COL18A1: variants seen among roughly 807,000 people sequenced by gnomAD.
COL18A1 encodes the protein collagen alpha-1(XVIII) chain.
A neutral mutation model predicts 168.0 loss-of-function variants in COL18A1; 133 were observed. That is an observed-to-expected ratio of 0.79 (90% CI 0.69 to 0.91). The LOEUF (loss-of-function observed/expected upper bound fraction) is 0.91, where lower values mean the gene tolerates loss of function less well. Ranked by LOEUF, COL18A1 falls within the 40% of genes least tolerant of loss-of-function variation. COL18A1 has a pLI of 0.00. For missense variants in COL18A1, 2,126 were observed against 1,925.4 expected (o/e 1.10, Z -1.95); for synonymous variants, 949 against 809.0 (o/e 1.17, Z -2.94).
Position 45,497,031 on chromosome 21 carries a change from C to T in COL18A1, c.2578-19C>T. 1.3e-6 allele frequency: 2 copies of T among 1,594,926 alleles called. No homozygotes were observed. Among genetic ancestry groups the T allele is most frequent in the South Asian group, 1.1e-5 (1 of 90,782 alleles). ...TCAGAACATCGCCCTCAGCAGCCGCCTCTCCCCGTTCCTTGCAGGTGTTTG... is the reference window on the plus strand; with the variant it reads ...TCAGAACATCGCCCTCAGCAGCCGCTTCTCCCCGTTCCTTGCAGGTGTTTG... On this transcript the variant is annotated intron_variant, in intron 30 of 41. Coordinates refer to ENST00000651438, the MANE Select transcript of COL18A1 (RefSeq NM_001379500.1).
rs376464507 is a variant in COL18A1 at position 45,416,839 on chromosome 21, C to CCTCGTTCTGCATATG, written c.106+11381_106+11395dup. Reference sequence around the variant, plus strand: ...CCTGCCCCTGACAACTCTTCCCTTCCCTCGTTCTGCATATGCTCGTTCTGC... The same window carrying CCTCGTTCTGCATATG: ...CCTGCCCCTGACAACTCTTCCCTTCCCTCGTTCTGCATATGCTCGTTCTGCATATGCTCGTTCTGC... On this transcript the variant is annotated intron_variant, in intron 2 of 41. Coordinates refer to ENST00000651438, the MANE Select transcript of COL18A1 (RefSeq NM_001379500.1). Among the ~76,000 whole-genome samples the CCTCGTTCTGCATATG allele has an allele frequency of 7.8e-3, 1,190 of 152,212 alleles. 17 individuals are homozygous for CCTCGTTCTGCATATG. The highest frequency in any genetic ancestry group is 0.027 in the African/African-American group (1,103 of 41,492).
chr21:45,496,511 C>CCCCCCAGGACCTCCAGGG lies in COL18A1; in HGVS notation c.2529_2546dup (p.Pro847_Gly852dup). 6.8e-7 allele frequency: 1 copy of CCCCCCAGGACCTCCAGGG among 1,464,868 alleles called. No homozygotes were observed. The highest frequency in any genetic ancestry group is 2.3e-5 in the East Asian group (1 of 44,268). 90.7% of individuals were successfully genotyped at this position (1,464,868 alleles called of 1,614,324 possible). ...TGCCCTCCCCACAGGGAATGCCCGG[C>CCCCCCAGGACCTCCAGGG]CCCCCAGGACCTCCAGGGCCCCCAG... On this transcript the variant is annotated inframe_insertion, in exon 30 of 42. Coordinates refer to ENST00000651438, the MANE Select transcript of COL18A1 (RefSeq NM_001379500.1).
At chr21:45,474,081 C>T (rs78319316) in intron 4 of COL18A1, 100 bp downstream of exon 4, 5 of 881,842 alleles carry the variant, frequency 5.7e-6, no homozygotes, top group Non-Finnish European at 9.1e-6. Context: ...AAATATACCA[C>T]TTGGGGCACT....
At chr21:45,487,996 AG>A (rs765899663) in intron 17 of COL18A1, among the ~76,000 whole-genome samples, 49 of 152,318 alleles carry the variant, frequency 3.2e-4, no homozygotes, top group Admixed American at 1.2e-3. Context: ...CAGACGTGCC[AG>A]GGGCAGACCC....
chr21:45,476,756 TGTGTGGTGTGTGTATTGTGTGTG>T (rs1379741100), intron 6 of COL18A1, among the ~76,000 whole-genome samples: 2 of 151,094 alleles, frequency 1.3e-5, no homozygotes, highest in African/African-American at 4.9e-5. Flanking sequence ...GTGTGTGCAG[TGTGTGGTGTGTGTATTGTGTGTG>T]GTGTGGTGTG....
chr21:45,461,404 C>T (rs1602439192), intron 2 of COL18A1, among the ~76,000 whole-genome samples: 1 of 151,986 alleles, frequency 6.6e-6, no homozygotes, highest in African/African-American at 2.4e-5. Context: ...GGGGTGGCAG[C>T]TGTGCCCCAT....
At chr21:45,478,285 GGAGTCA>G in intron 8 of COL18A1, 36 bp from the exon 9 acceptor site, 1 of 1,613,880 alleles carries the variant, frequency 6.2e-7, no homozygotes, top group Non-Finnish European at 8.5e-7. Context: ...TGGCGCCGGA[GGAGTCA>G]TTTCCCATCA....
At chr21:45,460,471 C>A (rs916995438) in intron 2 of COL18A1, among the ~76,000 whole-genome samples, 1 of 152,172 alleles carries the variant, frequency 6.6e-6, no homozygotes, top group South Asian at 2.1e-4. Flanking sequence ...ACTGGACATT[C>A]GGAGGTCAGT....
At position 45,473,751 on chromosome 21, in the gene COL18A1, C is replaced by T. The variant is rs1178466950; in HGVS notation, c.652-144C>T. ...TTCCTACCATGAGGCATACCGCACCCCCAGGGAGGCTGCCCGAGACCCCTT... is the reference window on the plus strand; with the variant it reads ...TTCCTACCATGAGGCATACCGCACCTCCAGGGAGGCTGCCCGAGACCCCTT... On this transcript the variant is annotated intron_variant, in intron 3 of 41. Coordinates refer to ENST00000651438, the MANE Select transcript of COL18A1 (RefSeq NM_001379500.1). The surrounding 1 kb of genome is among the most constrained non-coding windows in gnomAD (Gnocchi z 4.0). 4.1e-6 allele frequency: 3 copies of T among 730,046 alleles called. No individual in the cohort carries two copies. The highest frequency in any genetic ancestry group is 1.5e-5 in the South Asian group (1 of 66,428). 45.2% of individuals were successfully genotyped at this position (730,046 alleles called of 1,614,324 possible).
rs1384917564 is a variant in COL18A1, at chr21:45,468,424, C to A, written c.289C>A (p.His97Asn). Reference sequence around the variant, plus strand: ...CTTCCGTGACTTCTCACTGCTGTTCCACATCCGGCCAGCCACAGAGGGCCC... The same window carrying A: ...CTTCCGTGACTTCTCACTGCTGTTCAACATCCGGCCAGCCACAGAGGGCCC... Reference protein sequence around the residue: ...LFFRDFSLLFHIRPATEGPGV... With the variant: ...LFFRDFSLLFNIRPATEGPGV... Residue 97 changes from histidine to asparagine, a missense_variant, in exon 3 of 42, where the codon CAC (histidine) becomes AAC (asparagine). Coordinates refer to ENST00000651438, the MANE Select transcript of COL18A1 (RefSeq NM_001379500.1). 1.9e-6 allele frequency: 3 copies of A among 1,614,060 alleles called. No homozygotes were observed. The East Asian group carries it at 6.7e-5, about 36-fold the overall frequency.
chr21:45,434,285 A>G (rs1183398267), intron 2 of COL18A1, among the ~76,000 whole-genome samples: 1 of 152,116 alleles, frequency 6.6e-6, no homozygotes, highest in African/African-American at 2.4e-5. Flanking sequence ...GGGCCACAGC[A>G]TTTCTGCCCT....
intron 40 of COL18A1, 69 bp downstream of exon 40, chr21:45,510,330 C>G: frequency 6.7e-7 from 1 of 1,493,474 alleles, no homozygotes; most frequent in East Asian, 2.5e-5. Flanking sequence ...GAACTCCCAG[C>G]GGGGAGCTCC....
intron 2 of COL18A1, among the ~76,000 whole-genome samples, chr21:45,433,195 G>A (rs924491941): frequency 1.3e-5 from 2 of 152,334 alleles, no homozygotes; most frequent in Admixed American, 6.5e-5. Context: ...AGAGAGGGAC[G>A]CGCTGGGTTT....
rs1308839159 is a variant in COL18A1, at chr21:45,457,500, C to T, written c.107-10742C>T. On this transcript the variant is annotated intron_variant, in intron 2 of 41. Transcript: ENST00000651438. The surrounding 1 kb of genome is among the most constrained non-coding windows in gnomAD (Gnocchi z 4.6). ...GGGGGCCGCTTCTGGGCCCAGGGGA[C>T]GTTGCCCCATCACCGTGTGGCCTGG... Among the ~76,000 whole-genome samples the T allele has an allele frequency of 6.6e-6, 1 of 152,198 alleles. No individual in the cohort carries two copies. Among genetic ancestry groups the T allele is most frequent in the Non-Finnish European group, 1.5e-5 (1 of 68,026 alleles).
chr21:45,497,804 C>T (rs1341876657), intron 32 of COL18A1, 143 bp downstream of exon 32: 1 of 1,185,120 alleles, frequency 8.4e-7, no homozygotes, highest in Non-Finnish European at 1.2e-6. Flanking sequence ...GAAGGAAGCC[C>T]CTTCTGGGTT....
At chr21:45,512,092 G>C (rs1403731553) in intron 41 of COL18A1, 96 bp from the exon 42 acceptor site, 10 of 1,362,900 alleles carry the variant, frequency 7.3e-6, no homozygotes, top group Non-Finnish European at 9.2e-6. Flanking sequence ...TAACCCCAGG[G>C]CTGGCCTCCT....
At chr21:45,509,725 G>C in intron 39 of COL18A1, 124 bp downstream of exon 39, 1 of 728,034 alleles carries the variant, frequency 1.4e-6, no homozygotes, top group Admixed American at 2.0e-5. Context: ...GGGGTCTGGC[G>C]GCTCAGGGCC....
rs2035761276 is a variant in COL18A1, at chr21:45,478,418, G to A, written c.1248+65G>A. 1.4e-5 allele frequency: 22 copies of A among 1,609,474 alleles called. 1 individual carries two copies. In the South Asian group the frequency reaches 2.3e-4, roughly 17 times the overall value. On this transcript the variant is annotated intron_variant, in intron 9 of 41. Coordinates refer to ENST00000651438, the MANE Select transcript of COL18A1 (RefSeq NM_001379500.1). ...ATGTTTGCTTAGACCCCAGGGCTTT[G>A]TTGCCAGTGACACTCTTTTTAAACG...
chr21:45,507,642 G>A (rs548016223), intron 38 of COL18A1, 49 bp downstream of exon 38: 1 of 1,561,596 alleles, frequency 6.4e-7, no homozygotes, highest in East Asian at 2.2e-5. Flanking sequence ...AGGACATGAG[G>A]GGGTATGTGC....
Sources: allele counts gnomAD v4.1 joint callset (sites outside exome capture counted in the v4.1 genomes callset), GRCh38; gene constraint gnomAD v4.1.1; non-coding constraint Gnocchi (gnomAD v3.1); transcripts MANE v1.5; gene names NCBI Gene and HGNC (gene_info 2026-07-23, HGNC 2026-07-21).